HIVEP1: variants seen among roughly 807,000 people sequenced by gnomAD.
HIVEP1 encodes HIVEP zinc finger 1.
In HIVEP1, 36 loss-of-function variants were observed where a neutral mutation model predicts 180.0. That is an observed-to-expected ratio of 0.20 (90% CI 0.15 to 0.26). HIVEP1 has a LOEUF of 0.26. Ranked by LOEUF, HIVEP1 falls within the 10% of genes least tolerant of loss-of-function variation. The pLI is 1.00. For missense variants in HIVEP1, 3,143 were observed against 3,268.7 expected (o/e 0.96, Z 0.94); for synonymous variants, 1,239 against 1,239.0 (o/e 1.00, Z 0.00).
the HIVEP1 span, among the ~76,000 whole-genome samples, chr6:12,190,250 T>C: frequency 6.6e-6 from 1 of 152,244 alleles, no homozygotes; most frequent in Admixed American, 6.5e-5. Context: ...ACCGTTCATA[T>C]GTATCATTTT....
At chr6:12,109,898 T>A (rs908861973) in intron 3 of HIVEP1, among the ~76,000 whole-genome samples, 1 of 152,262 alleles carries the variant, frequency 6.6e-6, no homozygotes, top group Non-Finnish European at 1.5e-5. Flanking sequence ...GAAATGAATT[T>A]CTTAAATAGT....
rs192233744 is a variant in HIVEP1 at position 12,040,015 on chromosome 6, C to T, written c.40+24347C>T. On this transcript the variant is annotated intron_variant, in intron 2 of 8. Transcript: ENST00000379388. ...GTGGGGCGAGGATTCTGATGCTGGG[C>T]GGTCGAGGGGAAATGTAAGCCCAAC... Among the ~76,000 whole-genome samples, 30 of 152,194 alleles carry T rather than the reference C, an allele frequency of 2.0e-4. No homozygotes were observed. In the South Asian group the frequency reaches 3.5e-3, roughly 18 times the overall value.
At chr6:12,066,159 T>TA (rs1336947773) in intron 2 of HIVEP1, among the ~76,000 whole-genome samples, 2 of 152,172 alleles carry the variant, frequency 1.3e-5, no homozygotes, top group East Asian at 1.9e-4. Flanking sequence ...GAGCGATTCT[T>TA]ACGCTGGATG....
chr6:12,112,085 C>A (rs939926788), intron 3 of HIVEP1, among the ~76,000 whole-genome samples: 1 of 152,052 alleles, frequency 6.6e-6, no homozygotes, highest in African/African-American at 2.4e-5. Flanking sequence ...TCAGTATAGG[C>A]CTGAAGACAA....
intron 7 of HIVEP1, among the ~76,000 whole-genome samples, chr6:12,151,342 A>G (rs1454495073): frequency 1.3e-5 from 2 of 152,224 alleles, no homozygotes; most frequent in Non-Finnish European, 2.9e-5. Flanking sequence ...CTAAGCAAAT[A>G]TAGATTCCTT....
At chr6:12,189,967 T>G in the HIVEP1 span, among the ~76,000 whole-genome samples, 1 of 152,194 alleles carries the variant, frequency 6.6e-6, no homozygotes, top group Non-Finnish European at 1.5e-5. Context: ...TACATTGTAT[T>G]GTTGTGTTGT....
intron 2 of HIVEP1, among the ~76,000 whole-genome samples, chr6:12,072,182 T>C (rs1286340578): frequency 1.3e-5 from 2 of 152,164 alleles, no homozygotes; most frequent in African/African-American, 2.4e-5. Flanking sequence ...TCCCCTGCTA[T>C]GGTGCTTATT....
chr6:12,012,621 G>GA (rs1491506905), intron 1 of HIVEP1, 55 bp downstream of exon 1: 2 of 95,720 alleles, frequency 2.1e-5, no homozygotes, highest in Non-Finnish European at 4.7e-5. Flanking sequence ...CGGCGGGGCG[G>GA]AGGGGGGGGG....
At chr6:12,033,921 T>G (rs1769115581) in intron 2 of HIVEP1, among the ~76,000 whole-genome samples, 1 of 152,180 alleles carries the variant, frequency 6.6e-6, no homozygotes, top group South Asian at 2.1e-4. Flanking sequence ...AATTTAGACA[T>G]ACAGGAAATC....
chr6:12,067,551 C>G (rs777541899), intron 2 of HIVEP1, among the ~76,000 whole-genome samples: 1 of 151,666 alleles, frequency 6.6e-6, no homozygotes, highest in African/African-American at 2.4e-5. Flanking sequence ...TAATTCTTCC[C>G]TGCTTTTGAG....
rs529527164 is a variant in HIVEP1 at position 12,109,968 on chromosome 6, C to T, written c.95-9922C>T. Reference sequence around the variant, plus strand: ...GGGCTGAAAAATGGACATTGTATTACCAGGCATGAAAACAACATTCATCTT... The same window carrying T: ...GGGCTGAAAAATGGACATTGTATTATCAGGCATGAAAACAACATTCATCTT... On this transcript the variant is annotated intron_variant, in intron 3 of 8. Coordinates refer to ENST00000379388, the MANE Select transcript of HIVEP1 (RefSeq NM_002114.4). Among the ~76,000 whole-genome samples, 31 of 152,302 alleles carry T rather than the reference C, an allele frequency of 2.0e-4. No homozygotes were observed. The Middle Eastern group carries it at 0.01, about 50-fold the overall frequency.
chr6:12,088,060 T>A (rs891204820), intron 2 of HIVEP1, among the ~76,000 whole-genome samples: 2 of 152,166 alleles, frequency 1.3e-5, no homozygotes, highest in Admixed American at 6.5e-5. Context: ...GATCTGTAAA[T>A]AGAAGGTTCT....
chr6:12,084,624 G>T (rs1379932643), intron 2 of HIVEP1, among the ~76,000 whole-genome samples: 1 of 152,098 alleles, frequency 6.6e-6, no homozygotes, highest in Non-Finnish European at 1.5e-5. Context: ...GAGGAAGTAG[G>T]AATTATGTTT....
chr6:12,144,953 ACAGTGTGGCAATT>A (rs1759278964), intron 7 of HIVEP1, among the ~76,000 whole-genome samples: 1 of 152,240 alleles, frequency 6.6e-6, no homozygotes, highest in South Asian at 2.1e-4. Context: ...ATTGTGGAAG[ACAGTGTGGCAATT>A]CCTCAAGGAT....
At chr6:12,044,848 A>T (rs1331327738) in intron 2 of HIVEP1, among the ~76,000 whole-genome samples, 1 of 151,942 alleles carries the variant, frequency 6.6e-6, no homozygotes, top group Non-Finnish European at 1.5e-5. Flanking sequence ...CTTGCTGTGC[A>T]TGTGTGTTTG....
chr6:12,108,374 C>T (rs749339319), intron 3 of HIVEP1, among the ~76,000 whole-genome samples: 20 of 152,248 alleles, frequency 1.3e-4, no homozygotes, highest in Non-Finnish European at 2.2e-4. Context: ...CTGCCAGTCC[C>T]GTGCACTGCG....
chr6:12,185,699 A>G, the HIVEP1 span, among the ~76,000 whole-genome samples: 1 of 152,232 alleles, frequency 6.6e-6, no homozygotes, highest in Admixed American at 6.5e-5. Context: ...TTTGCTCAAT[A>G]CCAGTAGTTA....
chr6:12,012,255 C>T (rs1022085215), upstream of HIVEP1: 7 of 147,504 alleles, frequency 4.7e-5, no homozygotes, highest in East Asian at 1.2e-3. Flanking sequence ...CCGCGCTCCC[C>T]CCCCCGCCCC....
At chr6:12,116,547 TA>T (rs961386321) in intron 3 of HIVEP1, among the ~76,000 whole-genome samples, 72 of 145,302 alleles carry the variant, frequency 5.0e-4, no homozygotes, top group South Asian at 1.5e-3. Flanking sequence ...CTCCTTACAA[TA>T]AAAAAAAAAG....
Sources: allele counts gnomAD v4.1 joint callset (sites outside exome capture counted in the v4.1 genomes callset), GRCh38; gene constraint gnomAD v4.1.1; transcripts MANE v1.5; gene names NCBI Gene and HGNC (gene_info 2026-07-23, HGNC 2026-07-21).